Variants in TNS1 observed in about 807,000 individuals in gnomAD.
TNS1 encodes tensin 1.
In TNS1, 62 loss-of-function variants were observed where a neutral mutation model predicts 168.6. That is an observed-to-expected ratio of 0.37 (90% CI 0.30 to 0.45). The LOEUF is 0.45. TNS1 is among the 20% of genes least tolerant of loss of function. TNS1 has a pLI of 1.00. For missense variants in TNS1, 2,240 were observed against 2,339.4 expected (o/e 0.96, Z 0.88); for synonymous variants, 934 against 933.2 (o/e 1.00, Z -0.02).
At chr2:217,973,331 A>G (rs1186834987) in intron 3 of TNS1, among the ~76,000 whole-genome samples, 5 of 143,932 alleles carry the variant, frequency 3.5e-5, no homozygotes, top group Non-Finnish European at 6.0e-5. Flanking sequence ...ACACCACTGC[A>G]CTCTGCCCTG....
intron 1 of TNS1, among the ~76,000 whole-genome samples, chr2:218,027,688 A>G (rs1282695459): frequency 6.6e-6 from 1 of 152,104 alleles, no homozygotes; most frequent in Non-Finnish European, 1.5e-5. Flanking sequence ...ATGTGTATGC[A>G]TGGGGCTTGG....
rs530375769 is a variant in TNS1 at position 217,930,786 on chromosome 2, A to G, written c.187-10550T>C. On this transcript the variant is annotated intron_variant, in intron 3 of 32. Transcript: ENST00000682258. The stretch of plus-strand genomic sequence containing the variant: ...GCTAGAAGAGGAGGTGTGAACAGGC[A>G]ATATGGAATGCAGGCTTCAGAGTCG... 5.9e-5 allele frequency among the ~76,000 whole-genome samples: 9 copies of G among 152,326 alleles called. No homozygotes were observed. The East Asian group carries it at 1.7e-3, about 29-fold the overall frequency.
At chr2:217,930,654 T>C (rs749394949) in intron 3 of TNS1, among the ~76,000 whole-genome samples, 4 of 151,644 alleles carry the variant, frequency 2.6e-5, no homozygotes, top group Non-Finnish European at 4.4e-5. Flanking sequence ...AGGAGAGAGA[T>C]TAAAGAGGGG....
chr2:217,849,705 C>T (rs1947203421), intron 18 of TNS1: 3 of 985,332 alleles, frequency 3.0e-6, no homozygotes, highest in African/African-American at 1.7e-5. Flanking sequence ...AGTTCCCACT[C>T]TGGATTAGAG....
intron 3 of TNS1, among the ~76,000 whole-genome samples, chr2:217,952,653 C>T (rs1015992851): frequency 3.3e-5 from 5 of 152,178 alleles, no homozygotes; most frequent in African/African-American, 9.7e-5. Flanking sequence ...ACTCGGATGG[C>T]GTGGACACTT....
chr2:217,875,811 A>G (rs1950158849), intron 18 of TNS1, among the ~76,000 whole-genome samples: 4 of 152,128 alleles, frequency 2.6e-5, no homozygotes, highest in African/African-American at 9.7e-5. Context: ...GAACTAGAAG[A>G]TCTCCCCTGA....
At chr2:217,826,985 A>G (rs1380246251) in intron 22 of TNS1, among the ~76,000 whole-genome samples, 1 of 152,184 alleles carries the variant, frequency 6.6e-6, no homozygotes. Flanking sequence ...AGAAGGGAAT[A>G]TGGAAACCCC....
chr2:217,849,837 G>A (rs971623521), intron 18 of TNS1: 1 of 985,452 alleles, frequency 1.0e-6, no homozygotes, highest in South Asian at 4.7e-5. Context: ...GAGGGCAGTA[G>A]GGTGCAGCAA....
chr2:217,982,447 A>G (rs1156751105), intron 2 of TNS1, among the ~76,000 whole-genome samples: 1 of 141,918 alleles, frequency 7.0e-6, no homozygotes, highest in African/African-American at 2.7e-5. Context: ...TCTGTCACCC[A>G]GGCTGGAGTG....
At chr2:217,976,901 A>G (rs1266877752) in intron 3 of TNS1, among the ~76,000 whole-genome samples, 1 of 152,212 alleles carries the variant, frequency 6.6e-6, no homozygotes, top group South Asian at 2.1e-4. Context: ...AGTGAGAGAC[A>G]AGGAGAAGGA....
At chr2:217,936,845 A>G (rs1429454298) in intron 3 of TNS1, 2 of 436,644 alleles carry the variant, frequency 4.6e-6, no homozygotes, top group Admixed American at 2.4e-5. Flanking sequence ...TACAAATAGC[A>G]TCTCATTTCA....
intron 32 of TNS1, 42 bp downstream of exon 32, chr2:217,808,033 C>A (rs199994608): frequency 6.2e-7 from 1 of 1,611,980 alleles, no homozygotes; most frequent in Non-Finnish European, 8.5e-7. Flanking sequence ...CTGTGAAGTA[C>A]AAAGGCCAGC....
chr2:217,820,350 A>C (rs777990045), intron 23 of TNS1, among the ~76,000 whole-genome samples: 2 of 152,192 alleles, frequency 1.3e-5, no homozygotes, highest in Non-Finnish European at 2.9e-5. Context: ...TAGGAAATGC[A>C]ACCCTCGGCC....
chr2:217,803,296 A>G lies in TNS1; in HGVS notation c.*1163T>C, dbSNP rs969724866. 1.3e-5 allele frequency: 2 copies of G among 152,304 alleles called. No individual in the cohort carries two copies. Among genetic ancestry groups the G allele is most frequent in the Non-Finnish European group, 2.9e-5 (2 of 68,088 alleles). The allele number at this position is 152,304 out of a possible 1,614,324, so 9.4% of individuals were successfully genotyped here. A position where few individuals can be genotyped will look rare whatever the true frequency, so the allele number is the denominator to read the frequency against. ...CCTGCAGAATAGAACAGGGCTGGGCAGAGCAGCAAGACTCAATCCCCAGCC... is the reference window on the plus strand; with the variant it reads ...CCTGCAGAATAGAACAGGGCTGGGCGGAGCAGCAAGACTCAATCCCCAGCC... On this transcript the variant is annotated 3_prime_UTR_variant, in exon 33 of 33. Transcript: ENST00000682258.
chr2:217,818,074 A>G lies in TNS1; in HGVS notation c.4258T>C (p.Cys1420Arg). 1 of 1,612,420 alleles carries G rather than the reference A, an allele frequency of 6.2e-7. No individual in the cohort carries two copies. Among genetic ancestry groups the G allele is most frequent in the Non-Finnish European group, 8.5e-7 (1 of 1,179,246 alleles). Reference sequence around the variant, plus strand: ...CCATAGGCCACATGCCGGTCCAAGCAGGGGCTGCCGGGAACCACAGATCCA... The same window carrying G: ...CCATAGGCCACATGCCGGTCCAAGCGGGGGCTGCCGGGAACCACAGATCCA... ...GSGSVVPGSP[C>R]LDRHVAYGGY... Residue 1420 changes from cysteine (C) to arginine (R), a missense_variant, in exon 24 of 33, where the codon TGC becomes CGC. By Grantham distance (180) the Cys-to-Arg change is radical. Around this residue, in one of 2 missense-constraint regions of TNS1, gnomAD observed 2,131 missense variants for 2,171.2 expected, o/e 0.98. Coordinates refer to ENST00000682258, the MANE Select transcript of TNS1 (RefSeq NM_001387777.1).
chr2:217,865,118 CAT>C (rs1949153908), intron 18 of TNS1, among the ~76,000 whole-genome samples: 1 of 152,056 alleles, frequency 6.6e-6, no homozygotes, highest in African/African-American at 2.4e-5. Context: ...CATGTGGTTC[CAT>C]GTGTGAGAGG....
intron 6 of TNS1, among the ~76,000 whole-genome samples, chr2:217,903,400 G>A (rs1210032010): frequency 4.6e-5 from 7 of 152,268 alleles, no homozygotes; most frequent in Admixed American, 6.5e-5. Flanking sequence ...TAGGGAAAAC[G>A]ACTACAGGAC....
At chr2:217,978,662 C>A in intron 3 of TNS1, 103 bp downstream of exon 3, 1 of 645,792 alleles carries the variant, frequency 1.5e-6, no homozygotes, top group Non-Finnish European at 2.8e-6. Context: ...GGAGGGACGC[C>A]CCGGGCACCG....
chr2:217,905,202 T>C (rs1421935766), intron 6 of TNS1: 2 of 256,462 alleles, frequency 7.8e-6, no homozygotes, highest in Non-Finnish European at 1.6e-5. Flanking sequence ...AAAAATTAGG[T>C]TCCCCCTGCA....
Sources: gnomAD v4.1 joint callset for allele counts (sites outside exome capture counted in the v4.1 genomes callset) on GRCh38, gnomAD v4.1.1 for gene constraint, gnomAD v4.1.1 regional missense constraint, MANE v1.5 for transcripts, NCBI Gene and HGNC (gene_info 2026-07-23, HGNC 2026-07-21) for gene names.